TENT4A: variants seen among roughly 807,000 people sequenced by gnomAD.
TENT4A encodes DNA polymerase kappa.
Under a neutral mutation model 72.8 loss-of-function variants are expected in TENT4A, and 7 were observed. The observed-to-expected ratio is 0.10, with a 90% confidence interval of 0.05 to 0.18. The LOEUF is 0.18. Among genes scored for constraint, TENT4A ranks in the 10% least tolerant of loss-of-function variants. The pLI, the probability that TENT4A is intolerant of heterozygous loss-of-function variation, is 1.00. For missense variants in TENT4A, 831 were observed against 1,017.7 expected (o/e 0.82, Z 2.50); for synonymous variants, 456 against 434.3 (o/e 1.05, Z -0.62).
rs190045354 is a variant in TENT4A at position 6,742,624 on chromosome 5, C to T, written c.1116+27C>T. ...TACTGTGCTTGGTGACCCAGCGCGG[C>T]GAGAGTGCAGGACTGGAGTGCTTGT... On this transcript the variant is annotated intron_variant, in intron 5 of 12. Coordinates refer to ENST00000230859, the MANE Select transcript of TENT4A (RefSeq NM_006999.6). The T allele has an allele frequency of 2.4e-4, 332 of 1,384,256 alleles. No individual in the cohort carries two copies. In the East Asian group the frequency reaches 3.0e-3, roughly 12 times the overall value. The allele number at this position is 1,384,256 out of a possible 1,614,324, so 85.7% of individuals were successfully genotyped here. A position where few individuals can be genotyped will look rare whatever the true frequency, so the allele number is the denominator to read the frequency against.
At chr5:6,729,198 G>A (rs1332753001) in intron 1 of TENT4A, among the ~76,000 whole-genome samples, 1 of 152,214 alleles carries the variant, frequency 6.6e-6, no homozygotes, top group Non-Finnish European at 1.5e-5. Context: ...TCCTGGTTGT[G>A]TATGGTCTTG....
At chr5:6,735,452 GGA>G (rs1741431425) in intron 1 of TENT4A, among the ~76,000 whole-genome samples, 1 of 152,166 alleles carries the variant, frequency 6.6e-6, no homozygotes, top group African/African-American at 2.4e-5. Context: ...TCTTCCTGAT[GGA>G]GAGAGGCTGG....
At position 6,756,176 on chromosome 5, in the gene TENT4A, C is replaced by T. The variant is rs1284320351; in HGVS notation, c.*1231C>T. ...GGCCGGGACCGCTGGCGCCCGACGT[C>T]GGAAGCATACAGGTATACTATGCAA... On this transcript the variant is annotated 3_prime_UTR_variant, in exon 13 of 13. Coordinates refer to ENST00000230859, the MANE Select transcript of TENT4A (RefSeq NM_006999.6). 4 of 152,648 alleles carry T rather than the reference C, an allele frequency of 2.6e-5. No individual in the cohort carries two copies. Among genetic ancestry groups the T allele is most frequent in the Non-Finnish European group, 4.4e-5 (3 of 68,064 alleles). 9.5% of individuals were successfully genotyped at this position (152,648 alleles called of 1,614,324 possible). A position where few individuals can be genotyped will look rare whatever the true frequency, so the allele number is the denominator to read the frequency against.
At chr5:6,737,670 C>T (rs1349449984) in intron 2 of TENT4A, 37 bp downstream of exon 2, 14 of 1,599,310 alleles carry the variant, frequency 8.8e-6, no homozygotes, top group East Asian at 4.5e-5. Flanking sequence ...TCGCACGTCA[C>T]GTGCGAGTAA....
intron 1 of TENT4A, among the ~76,000 whole-genome samples, chr5:6,724,108 T>A (rs1740789574): frequency 6.6e-6 from 1 of 152,170 alleles, no homozygotes. Flanking sequence ...AAATTAAGCA[T>A]TAAGTGATTC....
At chr5:6,747,339 C>T (rs899855909) in intron 7 of TENT4A, among the ~76,000 whole-genome samples, 9 of 152,210 alleles carry the variant, frequency 5.9e-5, no homozygotes, top group Admixed American at 3.3e-4. Flanking sequence ...CTGTGTGTGT[C>T]GGGGAAGCCT....
chr5:6,714,219 C>A lies in TENT4A; in HGVS notation c.236C>A (p.Thr79Asn). Residue 79 changes from threonine (T) to asparagine (N), a missense_variant, in exon 1 of 13, where the codon ACC (threonine) becomes AAC (asparagine). By Grantham distance (65) the Thr-to-Asn change is moderately conservative. Transcript: ENST00000230859. ...GCGTCGCCCCCGCCGCCCGGCCCCA[C>A]CGCGCCCGCCGCGCTGCCCCCCGCG... Reference protein sequence around the residue: ...PAASPPPPGPTAPAALPPALL... With the variant: ...PAASPPPPGPNAPAALPPALL... The A allele has an allele frequency of 1.0e-6, 1 of 982,832 alleles. No homozygotes were observed. Among genetic ancestry groups the A allele is most frequent in the African/African-American group, 1.8e-5 (1 of 56,116 alleles). The allele number at this position is 982,832 out of a possible 1,614,324, so 60.9% of individuals were successfully genotyped here.
intron 4 of TENT4A, among the ~76,000 whole-genome samples, chr5:6,741,433 G>A (rs1031467077): frequency 1.3e-5 from 2 of 152,220 alleles, no homozygotes; most frequent in African/African-American, 4.8e-5. Flanking sequence ...GCAGGAGAGT[G>A]CCAGGAGTGA....
At chr5:6,753,329 C>T (rs1465459897) in intron 12 of TENT4A, among the ~76,000 whole-genome samples, 6 of 152,196 alleles carry the variant, frequency 3.9e-5, no homozygotes, top group African/African-American at 1.2e-4. Flanking sequence ...AAGACTTTTC[C>T]CATTTACATA....
intron 10 of TENT4A, 22 bp from the exon 11 acceptor site, chr5:6,751,017 T>G: frequency 6.2e-7 from 1 of 1,612,898 alleles, no homozygotes; most frequent in Non-Finnish European, 8.5e-7. Context: ...CTGTCCTTTT[T>G]GTTTTTTGTA....
rs28381406 is a variant in TENT4A, at chr5:6,749,795, A to G, written c.1687+138A>G. 5,245 of 646,944 alleles carry G rather than the reference A, an allele frequency of 8.1e-3. 46 individuals carry two copies. Among genetic ancestry groups the G allele is most frequent in the South Asian group, 0.019 (1,048 of 55,372 alleles). The allele number at this position is 646,944 out of a possible 1,614,324, so 40.1% of individuals were successfully genotyped here. On this transcript the variant is annotated intron_variant, in intron 9 of 12. Transcript: ENST00000230859. ...CTGATGAGCATTAATTAAGAAGACA[A>G]TAAGATCTAGAGCAGCACTGTCCAG...
intron 1 of TENT4A, among the ~76,000 whole-genome samples, chr5:6,723,936 A>G (rs1740779511): frequency 6.6e-6 from 1 of 152,218 alleles, no homozygotes; most frequent in African/African-American, 2.4e-5. Context: ...GCATTCTATG[A>G]AGAGTGGAGC....
Position 6,714,064 on chromosome 5 carries a change from G to T in TENT4A, c.81G>T (p.Ser27=). 7.0e-6 allele frequency: 7 copies of T among 994,658 alleles called. No individual in the cohort carries two copies. Among genetic ancestry groups the T allele is most frequent in the Non-Finnish European group, 8.4e-6 (7 of 836,690 alleles). The allele number at this position is 994,658 out of a possible 1,614,324, so 61.6% of individuals were successfully genotyped here. A position where few individuals can be genotyped will look rare whatever the true frequency, so the allele number is the denominator to read the frequency against. Residue 27 remains serine, a synonymous_variant, in exon 1 of 13, where the codon TCG becomes TCT. Transcript: ENST00000230859. ...NALWMQIWET[S]QGVGRGGSGF... ...TGTGGATGCAGATCTGGGAGACCTC[G>T]CAGGGCGTGGGCCGCGGCGGCTCGG... is the stretch of plus-strand genomic sequence containing the variant.
chr5:6,723,929 T>C (rs548197722), intron 1 of TENT4A, among the ~76,000 whole-genome samples: 1 of 152,304 alleles, frequency 6.6e-6, no homozygotes, highest in African/African-American at 2.4e-5. Flanking sequence ...AGAAGTTGCA[T>C]TCTATGAAGA....
At position 6,723,325 on chromosome 5, in the gene TENT4A, C is replaced by A. The variant is rs560041857; in HGVS notation, c.716+8626C>A. Among the ~76,000 whole-genome samples the A allele has an allele frequency of 2.8e-4, 42 of 152,304 alleles. No individual in the cohort carries two copies. The South Asian group carries it at 8.1e-3, about 29-fold the overall frequency. The stretch of plus-strand genomic sequence containing the variant: ...GGTGATAGGTCTCAGCATTTTTGCA[C>A]GCAGGTTAATGATGGTGCAGACGGT... On this transcript the variant is annotated intron_variant, in intron 1 of 12. Transcript: ENST00000230859.
chr5:6,745,026 C>T (rs1420015527), intron 6 of TENT4A, among the ~76,000 whole-genome samples: 1 of 152,166 alleles, frequency 6.6e-6, no homozygotes, highest in Admixed American at 6.5e-5. Context: ...TTCCTGTGTT[C>T]ACTGCCACAT....
Position 6,714,349 on chromosome 5 carries a change from C to T in TENT4A, c.366C>T (p.Gly122=), listed in dbSNP as rs1740249008. The T allele has an allele frequency of 3.5e-6, 4 of 1,137,268 alleles. No individual in the cohort carries two copies. The highest frequency in any genetic ancestry group is 4.3e-5 in the South Asian group (1 of 23,476). The allele number at this position is 1,137,268 out of a possible 1,614,324, so 70.4% of individuals were successfully genotyped here. Residue 122 remains glycine, a synonymous_variant, in exon 1 of 13, where the codon GGC becomes GGT. Coordinates refer to ENST00000230859, the MANE Select transcript of TENT4A (RefSeq NM_006999.6). ...CCTCCTCGTCCAACGCGGAGTCGGG[C>T]ACCGAGAGCCCCGGCTGCTCGTCGT... ...SSSSSSNAES[G]TESPGCSSSS...
At position 6,742,633 on chromosome 5, in the gene TENT4A, A is replaced by G. The variant is rs767370395; in HGVS notation, c.1116+36A>G. ...TGGTGACCCAGCGCGGCGAGAGTGC[A>G]GGACTGGAGTGCTTGTGCTTGGTGG... is the stretch of plus-strand genomic sequence containing the variant. On this transcript the variant is annotated intron_variant, in intron 5 of 12. Coordinates refer to ENST00000230859, the MANE Select transcript of TENT4A (RefSeq NM_006999.6). 4.1e-6 allele frequency: 5 copies of G among 1,226,906 alleles called. No individual in the cohort carries two copies. In the South Asian group the frequency reaches 6.0e-5, roughly 15 times the overall value. The allele number at this position is 1,226,906 out of a possible 1,614,324, so 76.0% of individuals were successfully genotyped here.
In TENT4A at chr5:6,719,263, A is replaced by G. The variant is rs1323165937; in HGVS notation, c.716+4564A>G. 2.6e-5 allele frequency among the ~76,000 whole-genome samples: 4 copies of G among 152,326 alleles called. No homozygotes were observed. In the East Asian group the frequency reaches 7.7e-4, roughly 29 times the overall value. On this transcript the variant is annotated intron_variant, in intron 1 of 12. Coordinates refer to ENST00000230859, the MANE Select transcript of TENT4A (RefSeq NM_006999.6). Reference sequence around the variant, plus strand: ...TGGATTCATGTAAGCGTCCTGTGGAAGAAGAGTTAATAGTTATCCTTGGAA... The same window carrying G: ...TGGATTCATGTAAGCGTCCTGTGGAGGAAGAGTTAATAGTTATCCTTGGAA...
Sources: allele counts gnomAD v4.1 joint callset (sites outside exome capture counted in the v4.1 genomes callset), GRCh38; gene constraint gnomAD v4.1.1; transcripts MANE v1.5; gene names NCBI Gene and HGNC (gene_info 2026-07-23, HGNC 2026-07-21).